The following NDUFAF6 variants were observed in gnomAD, a reference collection of about 807,000 sequenced individuals.
The protein encoded by NDUFAF6 is NADH:ubiquinone oxidoreductase complex assembly factor 6.
Under a neutral mutation model 40.8 loss-of-function variants are expected in NDUFAF6, and 45 were observed. That is an observed-to-expected ratio of 1.10 (90% CI 0.87 to 1.42). The LOEUF (loss-of-function observed/expected upper bound fraction) is 1.42. Among genes scored for constraint, NDUFAF6 ranks in the 40% most tolerant of loss-of-function variants. NDUFAF6 has a pLI of 0.00. For synonymous variants in NDUFAF6, 185 were observed against 155.9 expected (o/e 1.19, Z -1.39); for missense variants, 435 against 418.5 (o/e 1.04, Z -0.34).
At chr8:94,998,452 CT>C (rs1238443714) in intron 2 of NDUFAF6, among the ~76,000 whole-genome samples, 3 of 151,790 alleles carry the variant, frequency 2.0e-5, no homozygotes, top group South Asian at 2.1e-4. Flanking sequence ...TGTATTGTAA[CT>C]TTTTTTCCCC....
chr8:94,966,385 A>G (rs1324962205), intron 1 of NDUFAF6, among the ~76,000 whole-genome samples: 1 of 152,052 alleles, frequency 6.6e-6, no homozygotes, highest in Non-Finnish European at 1.5e-5. Flanking sequence ...CTTGAGCTCA[A>G]GAGTTCAAGA....
intron 1 of NDUFAF6, chr8:94,930,251 C>A: frequency 1.8e-6 from 1 of 546,894 alleles, no homozygotes; most frequent in Non-Finnish European, 3.1e-6. Context: ...GATATGTTTC[C>A]AGAAATAATC....
intron 1 of NDUFAF6, among the ~76,000 whole-genome samples, chr8:94,963,024 C>T (rs918034845): frequency 9.2e-5 from 14 of 152,022 alleles, no homozygotes; most frequent in African/African-American, 3.4e-4. Context: ...CTCCTGACCT[C>T]CACTGATCCA....
chr8:94,976,399 G>A (rs1042184624), intron 1 of NDUFAF6, among the ~76,000 whole-genome samples: 14 of 110,940 alleles, frequency 1.3e-4, no homozygotes, highest in African/African-American at 4.1e-4. Flanking sequence ...AGCTACTTGG[G>A]TGGCTGAGTT....
chr8:94,906,824 A>G (rs528853625), intron 1 of NDUFAF6, among the ~76,000 whole-genome samples: 4 of 152,300 alleles, frequency 2.6e-5, no homozygotes, highest in African/African-American at 9.6e-5. Context: ...TTGTTCTGCC[A>G]TTGCCCCTGT....
At chr8:95,061,346 A>T (rs968207767), downstream of NDUFAF6, among the ~76,000 whole-genome samples, 37 of 152,312 alleles carry the variant, frequency 2.4e-4, no homozygotes, top group African/African-American at 8.4e-4. Context: ...TTTTCTGAAG[A>T]TATTGGCTTA....
intron 2 of NDUFAF6, among the ~76,000 whole-genome samples, chr8:95,094,410 T>C (rs1281391981): frequency 1.4e-5 from 2 of 143,070 alleles, no homozygotes; most frequent in South Asian, 4.5e-4. Flanking sequence ...CTTTTTTTTT[T>C]TTTTGGATTT....
intron 1 of NDUFAF6, among the ~76,000 whole-genome samples, chr8:94,979,094 G>A (rs987696146): frequency 5.3e-5 from 8 of 152,242 alleles, no homozygotes; most frequent in Admixed American, 2.6e-4. Flanking sequence ...GCTCCCAGGT[G>A]ATTTTAGCAT....
chr8:94,908,946 G>A (rs1464498070), intron 1 of NDUFAF6, among the ~76,000 whole-genome samples: 1 of 152,076 alleles, frequency 6.6e-6, no homozygotes, highest in Admixed American at 6.5e-5. Flanking sequence ...ATTAGAAGTG[G>A]CCTCACACAT....
chr8:95,013,125 A>T (rs2131677110), intron 2 of NDUFAF6, among the ~76,000 whole-genome samples: 1 of 151,470 alleles, frequency 6.6e-6, no homozygotes. Context: ...TTCTAGAGAC[A>T]TGGTCTTGCT....
At chr8:94,924,916 T>C (rs941707344) in intron 1 of NDUFAF6, among the ~76,000 whole-genome samples, 6 of 152,170 alleles carry the variant, frequency 3.9e-5, no homozygotes, top group Non-Finnish European at 7.3e-5. Flanking sequence ...CTCATTTTTG[T>C]ATTTTTAGTA....
chr8:95,046,994 G>A lies in NDUFAF6; in HGVS notation c.581G>A (p.Gly194Asp). The change falls in exon 6 of 9, where the codon GGT becomes GAT. Residue 194 changes from glycine (G) to aspartate (D), a missense_variant and splice_region_variant. By Grantham distance (94) the Gly-to-Asp change is moderately conservative. Coordinates refer to ENST00000396124, the MANE Select transcript of NDUFAF6 (RefSeq NM_152416.4). ...CCCTGTGTAATTTCTGAAATCATAG[G>A]TATAAAGGATCTTCATGCAGATCAT... ...SLLYLTLEILGIKDLHADHAA... is the reference protein window; with the variant it reads ...SLLYLTLEILDIKDLHADHAA... 6.2e-7 allele frequency: 1 copy of A among 1,614,052 alleles called. No homozygotes were observed. Among genetic ancestry groups the A allele is most frequent in the Non-Finnish European group, 8.5e-7 (1 of 1,180,014 alleles).
intron 6 of NDUFAF6, among the ~76,000 whole-genome samples, chr8:95,048,244 GT>G (rs977269572): frequency 1.7e-3 from 249 of 150,866 alleles, no homozygotes; most frequent in African/African-American, 5.8e-3. Context: ...TCTCATTTTT[GT>G]TTTTTTTTCT....
chr8:94,975,976 AGAGGCAG>A (rs1824879405), intron 1 of NDUFAF6: 1 of 151,972 alleles, frequency 6.6e-6, no homozygotes, highest in Non-Finnish European at 1.5e-5. Flanking sequence ...TTTGGGAGGC[AGAGGCAG>A]GTGGATCACG....
At chr8:94,950,123 G>A (rs1822455795) in intron 2 of NDUFAF6, 1 of 152,630 alleles carries the variant, frequency 6.6e-6, no homozygotes, top group Non-Finnish European at 1.5e-5. Flanking sequence ...CGGACAACAA[G>A]CGCACCGGGC....
downstream of NDUFAF6, among the ~76,000 whole-genome samples, chr8:95,059,224 C>G (rs779507781): frequency 6.6e-6 from 1 of 152,140 alleles, no homozygotes; most frequent in African/African-American, 2.4e-5. Context: ...CTGCCCCATT[C>G]GGCTCTCTCA....
intron 2 of NDUFAF6, among the ~76,000 whole-genome samples, chr8:95,002,208 A>AT (rs1162555710): frequency 6.6e-6 from 1 of 152,220 alleles, no homozygotes; most frequent in Non-Finnish European, 1.5e-5. Context: ...ACACTTCCTG[A>AT]TAAAAATATC....
intron 1 of NDUFAF6, chr8:94,926,432 A>AACACAGCCACTTAAAAAAAAAAAAAAC (rs1819905385): frequency 6.8e-6 from 1 of 147,994 alleles, no homozygotes; most frequent in African/African-American, 2.5e-5. Flanking sequence ...AAAAAAAAAA[A>AACACAGCCACTTAAAAAAAAAAAAAAC]ACACACGCAA....
chr8:95,117,674 TAGAC>T (rs1281562417), downstream of NDUFAF6, among the ~76,000 whole-genome samples: 7 of 152,216 alleles, frequency 4.6e-5, no homozygotes, highest in Non-Finnish European at 1.5e-5. Flanking sequence ...TCCTTTTAGT[TAGAC>T]AGGCCGTATG....
Sources: gnomAD v4.1 joint callset for allele counts (sites outside exome capture counted in the v4.1 genomes callset) on GRCh38, gnomAD v4.1.1 for gene constraint, MANE v1.5 for transcripts, NCBI Gene and HGNC (gene_info 2026-07-23, HGNC 2026-07-21) for gene names.